The following CIPC variants were observed in gnomAD, a reference collection of about 807,000 sequenced individuals.
CIPC encodes the protein CLOCK-interacting pacemaker.
In CIPC, 12 loss-of-function variants were observed where a neutral mutation model predicts 26.7. That is an observed-to-expected ratio of 0.45 (90% confidence interval 0.29 to 0.73). CIPC has a LOEUF of 0.73. Among genes scored for constraint, CIPC ranks in the 30% least tolerant of loss-of-function variants. CIPC has a pLI of 0.12. For missense variants in CIPC, 417 were observed against 486.5 expected (o/e 0.86, Z 1.34); for synonymous variants, 170 against 189.8 (o/e 0.90, Z 0.86).
intron 1 of CIPC, among the ~76,000 whole-genome samples, chr14:77,098,905 G>T (rs1886417364): frequency 6.6e-6 from 1 of 152,246 alleles, no homozygotes; most frequent in Admixed American, 6.5e-5. Flanking sequence ...GGTGTCGGGG[G>T]TAGTGTTTCT....
chr14:77,101,998 A>C (rs1017199892), intron 1 of CIPC, among the ~76,000 whole-genome samples: 24 of 152,152 alleles, frequency 1.6e-4, no homozygotes, highest in Admixed American at 3.3e-4. Flanking sequence ...GGGCAGGAGG[A>C]TCACTTTAGC....
Position 77,103,649 on chromosome 14 carries a change from G to A in CIPC, c.-52-2008G>A, listed in dbSNP as rs1462901899. On this transcript the variant is annotated intron_variant, in intron 1 of 3. Coordinates refer to ENST00000361786, the MANE Select transcript of CIPC (RefSeq NM_033426.3). Reference sequence around the variant, plus strand: ...CTTATTCTCAGCCAGCAATTTGAAGGGCCAATTGGTCTTATTCTTGGCACT... The same window carrying A: ...CTTATTCTCAGCCAGCAATTTGAAGAGCCAATTGGTCTTATTCTTGGCACT... 1.1e-4 allele frequency among the ~76,000 whole-genome samples: 16 copies of A among 152,078 alleles called. 1 individual carries two copies. Among genetic ancestry groups the A allele is most frequent in the Admixed American group, 9.8e-4 (15 of 15,262 alleles).
At chr14:77,098,825 GC>G (rs11288312) in intron 1 of CIPC, 41,760 of 152,436 alleles carry the variant, frequency 0.27, 5,801 homozygotes, top group Admixed American at 0.33. Flanking sequence ...CAGGTGTGCT[GC>G]CTTTTCCAGA....
At position 77,113,816 on chromosome 14, in the gene CIPC, C is replaced by A; in HGVS notation, c.698C>A (p.Ser233Tyr). ...AEDSALQGVP[S>Y]LVAGGSPQTL... The stretch of plus-strand genomic sequence containing the variant: ...GACTCAGCTCTGCAGGGTGTGCCCT[C>A]TCTGGTGGCAGGTGGAAGTCCACAG... The change falls in exon 4 of 4, where the codon TCT (serine) becomes TAT (tyrosine). Residue 233 changes from serine to tyrosine, a missense_variant. Transcript: ENST00000361786. 6.2e-7 allele frequency: 1 copy of A among 1,614,186 alleles called. No individual in the cohort carries two copies.
chr14:77,106,492 T>C (rs1160317095), intron 2 of CIPC, among the ~76,000 whole-genome samples: 1 of 152,210 alleles, frequency 6.6e-6, no homozygotes, highest in African/African-American at 2.4e-5. Context: ...CATTCAATTT[T>C]GTGCTGGGGC....
chr14:77,107,458 A>T (rs1478205414), intron 2 of CIPC, among the ~76,000 whole-genome samples: 4 of 152,176 alleles, frequency 2.6e-5, no homozygotes, highest in African/African-American at 9.7e-5. Flanking sequence ...TCACTGCCTG[A>T]GTTATTCCAG....
At position 77,113,630 on chromosome 14, in the gene CIPC, G is replaced by A; in HGVS notation, c.512G>A (p.Gly171Asp). 2 of 1,614,218 alleles carry A rather than the reference G, an allele frequency of 1.2e-6. No individual in the cohort carries two copies. The highest frequency in any genetic ancestry group is 1.1e-5 in the South Asian group (1 of 91,080). ...ATAGCCCCACATCCAGGCAAAAGGG[G>A]CCTTTCCCTTGGCCCAGAAGAAAAA... ...TKIAPHPGKRGLSLGPEEKGT... is the reference protein window; with the variant it reads ...TKIAPHPGKRDLSLGPEEKGT... The change falls in exon 4 of 4, where the codon GGC (glycine) becomes GAC (aspartate). Residue 171 changes from glycine (G) to aspartate (D), a missense_variant. Gly to Asp is a moderately conservative substitution (Grantham distance 94). Coordinates refer to ENST00000361786, the MANE Select transcript of CIPC (RefSeq NM_033426.3).
chr14:77,103,232 C>T (rs1471560760), intron 1 of CIPC, among the ~76,000 whole-genome samples: 3 of 152,208 alleles, frequency 2.0e-5, no homozygotes, highest in African/African-American at 7.2e-5. Context: ...CTACAGTATG[C>T]AAAAGTACGA....
chr14:77,114,092 A>T lies in CIPC; in HGVS notation c.974A>T (p.His325Leu). Residue 325 changes from histidine (H) to leucine (L), a missense_variant, in exon 4 of 4, where the codon CAT becomes CTT. Transcript: ENST00000361786. ...RRFQNTLVVL[H>L]KSGLLEITLK... ...TTTCAGAATACCCTAGTAGTCCTAC[A>T]TAAATCTGGTTTGCTGGAGATCACT... 1 of 1,614,152 alleles carries T rather than the reference A, an allele frequency of 6.2e-7. No individual in the cohort carries two copies. Among genetic ancestry groups the T allele is most frequent in the South Asian group, 1.1e-5 (1 of 91,090 alleles).
In CIPC at chr14:77,107,610, C is replaced by T. The variant is rs113985355; in HGVS notation, c.136+1766C>T. On this transcript the variant is annotated intron_variant, in intron 2 of 3. Transcript: ENST00000361786. Reference sequence around the variant, plus strand: ...TCTATCTTTTTGCCATATATGCTTTCTCTCTCTCGCTCTCTTTACACACAC... The same window carrying T: ...TCTATCTTTTTGCCATATATGCTTTTTCTCTCTCGCTCTCTTTACACACAC... 6.8e-3 allele frequency among the ~76,000 whole-genome samples: 952 copies of T among 140,692 alleles called. 14 individuals are homozygous for T. The highest frequency in any genetic ancestry group is 0.024 in the African/African-American group (901 of 37,460). 92.3% of individuals were successfully genotyped at this position (140,692 alleles called of 152,430 possible).
intron 1 of CIPC, 144 bp from the exon 2 acceptor site, chr14:77,105,513 T>C (rs1442112927): frequency 7.9e-6 from 4 of 509,336 alleles, no homozygotes; most frequent in Non-Finnish European, 1.4e-5. Flanking sequence ...TTTAGTAAAC[T>C]TGAAGCTTTT....
chr14:77,108,691 CA>C (rs1393626050), intron 2 of CIPC, among the ~76,000 whole-genome samples: 124 of 141,014 alleles, frequency 8.8e-4, no homozygotes, highest in Admixed American at 1.3e-3. Flanking sequence ...AACTCTGTCT[CA>C]AAAAAAAAAA....
At position 77,114,032 on chromosome 14, in the gene CIPC, T is replaced by C. The variant is rs1886758594; in HGVS notation, c.914T>C (p.Ile305Thr). ...GAGCACCTCTGCCGCAGCCCAGATA[T>C]CTTTTCAGAGCAGCGGCAGAGCAAA... ...AAEHLCRSPD[I>T]FSEQRQSKHR... The change falls in exon 4 of 4, where the codon ATC becomes ACC. Residue 305 changes from isoleucine to threonine, a missense_variant. Ile to Thr is a moderately conservative substitution (Grantham distance 89). Coordinates refer to ENST00000361786, the MANE Select transcript of CIPC (RefSeq NM_033426.3). The C allele has an allele frequency of 1.2e-6, 2 of 1,614,106 alleles. No individual in the cohort carries two copies. The highest frequency in any genetic ancestry group is 1.7e-6 in the Non-Finnish European group (2 of 1,180,040).
At chr14:77,105,102 G>C (rs1321152790) in intron 1 of CIPC, among the ~76,000 whole-genome samples, 1 of 152,126 alleles carries the variant, frequency 6.6e-6, no homozygotes, top group African/African-American at 2.4e-5. Context: ...TGCATGTATA[G>C]GGAGTTGTTT....
intron 1 of CIPC, chr14:77,100,079 A>G (rs1351947392): frequency 6.6e-6 from 1 of 152,206 alleles, no homozygotes. Context: ...GAGGTTGCAA[A>G]GATGAAAAAA....
At position 77,108,736 on chromosome 14, in the gene CIPC, C is replaced by T. The variant is rs78278887; in HGVS notation, c.137-1076C>T. Among the ~76,000 whole-genome samples the T allele has an allele frequency of 9.8e-3, 1,496 of 152,094 alleles. 33 individuals are homozygous for T. The highest frequency in any genetic ancestry group is 0.087 in the East Asian group (451 of 5,182). On this transcript the variant is annotated intron_variant, in intron 2 of 3. Transcript: ENST00000361786. ...TCTTCTAATTTTACCATTCTTTGTA[C>T]GTCATTAGCTGACATTCTTCTGTAA...
At chr14:77,103,887 C>T (rs2140027311) in intron 1 of CIPC, among the ~76,000 whole-genome samples, 1 of 151,970 alleles carries the variant, frequency 6.6e-6, no homozygotes, top group Middle Eastern at 3.4e-3. Flanking sequence ...TCTTGGGCTC[C>T]CTAGCTGAGA....
Position 77,113,939 on chromosome 14 carries a change from A to G in CIPC, c.821A>G (p.His274Arg), listed in dbSNP as rs1457241654. The G allele has an allele frequency of 1.9e-6, 3 of 1,614,150 alleles. No homozygotes were observed. Among genetic ancestry groups the G allele is most frequent in the South Asian group, 1.1e-5 (1 of 91,078 alleles). Residue 274 changes from histidine (H) to arginine (R), a missense_variant, in exon 4 of 4, where the codon CAT becomes CGT. Coordinates refer to ENST00000361786, the MANE Select transcript of CIPC (RefSeq NM_033426.3). ...GTCTGCGCATCAGACAGCACTCTCC[A>G]TGGGTTAGAGAGCAACTCTCCCCTT... The part of the protein sequence containing the change: ...SPVCASDSTL[H>R]GLESNSPLSP...
intron 1 of CIPC, chr14:77,100,077 A>T (rs1886447641): frequency 6.6e-6 from 1 of 152,204 alleles, no homozygotes; most frequent in South Asian, 2.1e-4. Flanking sequence ...CTGAGGTTGC[A>T]AAGATGAAAA....
Sources: gnomAD v4.1 joint callset for allele counts (sites outside exome capture counted in the v4.1 genomes callset) on GRCh38, gnomAD v4.1.1 for gene constraint, MANE v1.5 for transcripts, NCBI Gene and HGNC (gene_info 2026-07-23, HGNC 2026-07-21) for gene names.